Variants in TPH2 observed in about 807,000 individuals in gnomAD.
TPH2 encodes tryptophan hydroxylase 2.
TPH2 carries 27 observed loss-of-function variants against 59.1 expected under a neutral mutation model. The observed-to-expected ratio is 0.46, with a 90% CI of 0.34 to 0.63. The LOEUF (loss-of-function observed/expected upper bound fraction) is 0.63. Ranked by LOEUF, TPH2 falls within the 30% of genes least tolerant of loss-of-function variation. The pLI is 0.01. For missense variants in TPH2, 523 were observed against 588.3 expected, an observed-to-expected ratio of 0.89 and a Z score of 1.15; for synonymous variants, 220 against 210.5, an observed-to-expected ratio of 1.05 and a Z score of -0.39.
At chr12:71,978,409 C>A (rs1872179807) in intron 6 of TPH2, among the ~76,000 whole-genome samples, 1 of 152,112 alleles carries the variant, frequency 6.6e-6, no homozygotes, top group Non-Finnish European at 1.5e-5. Context: ...GCAAGCAGGG[C>A]TTTGGTGTAC....
intron 8 of TPH2, among the ~76,000 whole-genome samples, chr12:72,010,216 C>T (rs1247818613): frequency 6.6e-6 from 1 of 152,124 alleles, no homozygotes; most frequent in Non-Finnish European, 1.5e-5. Context: ...ATGTCTGCCT[C>T]TCAGGGTTGT....
intron 7 of TPH2, among the ~76,000 whole-genome samples, chr12:71,980,182 G>A (rs892993063): frequency 1.3e-5 from 2 of 152,130 alleles, no homozygotes; most frequent in African/African-American, 4.8e-5. Context: ...CAAAAACAAA[G>A]ACCCTGAGGC....
At chr12:71,942,778 T>G (rs1022125828) in intron 2 of TPH2, among the ~76,000 whole-genome samples, 2 of 152,206 alleles carry the variant, frequency 1.3e-5, no homozygotes, top group East Asian at 3.8e-4. Flanking sequence ...TTTCTTTTTC[T>G]CTTTTGACCT....
intron 7 of TPH2, among the ~76,000 whole-genome samples, chr12:71,990,939 G>A (rs987513576): frequency 1.4e-4 from 22 of 152,054 alleles, no homozygotes; most frequent in African/African-American, 4.3e-4. Flanking sequence ...CTCGCTTCAG[G>A]CTTTCATTCT....
intron 5 of TPH2, among the ~76,000 whole-genome samples, chr12:71,966,120 C>A (rs1456654014): frequency 1.4e-4 from 21 of 152,130 alleles, no homozygotes; most frequent in Non-Finnish European, 2.6e-4. Context: ...AAATAGCTCT[C>A]TGGAAATTAT....
Position 71,994,545 on chromosome 12 carries a change from G to A in TPH2, c.1048G>A (p.Asp350Asn). 1.2e-6 allele frequency: 2 copies of A among 1,613,956 alleles called. No individual in the cohort carries two copies. Among genetic ancestry groups the A allele is most frequent in the Non-Finnish European group, 1.7e-6 (2 of 1,179,844 alleles). The change falls in exon 8 of 11, where the codon GAT (aspartate) becomes AAT (asparagine). Residue 350 changes from aspartate (D) to asparagine (N), a missense_variant. By Grantham distance (23) the Asp-to-Asn change is conservative (BLOSUM62 1). Coordinates refer to ENST00000333850, the MANE Select transcript of TPH2 (RefSeq NM_173353.4). ...GGCGTCTCTGGGAGCATCAGATGAA[G>A]ATGTTCAGAAACTAGCCACGGTGAG... is the stretch of plus-strand genomic sequence containing the variant. ...GLASLGASDE[D>N]VQKLATCYFF...
intron 5 of TPH2, chr12:71,964,502 A>G: frequency 1.0e-6 from 1 of 982,866 alleles, no homozygotes; most frequent in African/African-American, 1.7e-5. Flanking sequence ...ATATATATAT[A>G]TATTCTGGCA....
At chr12:71,972,103 G>A (rs988944312) in intron 5 of TPH2, among the ~76,000 whole-genome samples, 1 of 152,122 alleles carries the variant, frequency 6.6e-6, no homozygotes, top group African/African-American at 2.4e-5. Context: ...CTGGGCAAGG[G>A]ACAAAAAGAA....
chr12:71,949,858 G>A (rs762662344), intron 5 of TPH2, among the ~76,000 whole-genome samples: 1 of 152,028 alleles, frequency 6.6e-6, no homozygotes, highest in African/African-American at 2.4e-5. Context: ...AGACCTGTGA[G>A]CCACATGCCA....
chr12:71,983,377 A>T (rs78036130), intron 7 of TPH2, among the ~76,000 whole-genome samples: 9,503 of 152,136 alleles, frequency 0.062, 1,017 homozygotes, highest in African/African-American at 0.22. Context: ...TTTGCAAATG[A>T]TTTCCTTTAA....
chr12:71,971,306 G>A (rs772844005), intron 5 of TPH2, among the ~76,000 whole-genome samples: 21 of 152,180 alleles, frequency 1.4e-4, no homozygotes, highest in African/African-American at 3.4e-4. Context: ...TATGTTGTAC[G>A]TGTATATTTG....
At chr12:71,956,534 TCCCTCCTTC>T (rs1384319271) in intron 5 of TPH2, among the ~76,000 whole-genome samples, 23 of 134,386 alleles carry the variant, frequency 1.7e-4, no homozygotes, top group East Asian at 2.3e-4. Context: ...CCTCCTTCTT[TCCCTCCTTC>T]CCTCCTTCCC....
rs142135541 is a variant in TPH2 at position 71,964,158 on chromosome 12, A to G, written c.609-8361A>G. Among the ~76,000 whole-genome samples, 86 of 51,214 alleles carry G rather than the reference A, an allele frequency of 1.7e-3. 38 individuals carry two copies. Among genetic ancestry groups the G allele is most frequent in the Admixed American group, 5.5e-3 (27 of 4,900 alleles). The allele number at this position is 51,214 out of a possible 152,430, so 33.6% of individuals were successfully genotyped here. A position where few individuals can be genotyped will look rare whatever the true frequency, so the allele number is the denominator to read the frequency against. ...GAATGGGATTTAAAAAAATGTATAT[A>G]TATATGCACATACATACTGATAATA... is the stretch of plus-strand genomic sequence containing the variant. On this transcript the variant is annotated intron_variant, in intron 5 of 10. Transcript: ENST00000333850.
intron 8 of TPH2, among the ~76,000 whole-genome samples, chr12:72,010,878 A>G (rs1873083430): frequency 6.6e-6 from 1 of 152,178 alleles, no homozygotes; most frequent in African/African-American, 2.4e-5. Context: ...CAAAGGATGA[A>G]TGGCTGAGAG....
At position 71,972,661 on chromosome 12, in the gene TPH2, G is replaced by A. The variant is rs1165888070; in HGVS notation, c.751G>A (p.Gly251Ser). 1 of 1,614,102 alleles carries A rather than the reference G, an allele frequency of 6.2e-7. No homozygotes were observed. The highest frequency in any genetic ancestry group is 1.1e-5 in the South Asian group (1 of 91,082). ...CTTCCCTCTGCTGACTAAATACTGT[G>A]GCTACAGAGAGGACAATGTGCCTCA... is the stretch of plus-strand genomic sequence containing the variant. Reference protein sequence around the residue: ...KNFPLLTKYCGYREDNVPQLE... With the variant: ...KNFPLLTKYCSYREDNVPQLE... Residue 251 changes from glycine to serine, a missense_variant, in exon 6 of 11, where the codon GGC (glycine) becomes AGC (serine). Coordinates refer to ENST00000333850, the MANE Select transcript of TPH2 (RefSeq NM_173353.4).
intron 4 of TPH2, among the ~76,000 whole-genome samples, chr12:71,949,081 A>G (rs1195734324): frequency 6.6e-6 from 1 of 152,234 alleles, no homozygotes; most frequent in Non-Finnish European, 1.5e-5. Context: ...TAGTCATAAA[A>G]TACAGCAAAA....
At chr12:71,956,879 G>A (rs2139190978) in intron 5 of TPH2, among the ~76,000 whole-genome samples, 1 of 152,246 alleles carries the variant, frequency 6.6e-6, no homozygotes, top group South Asian at 2.1e-4. Flanking sequence ...CAAAGTGCTA[G>A]GATTACAGGT....
intron 5 of TPH2, among the ~76,000 whole-genome samples, chr12:71,968,540 C>T (rs1271750813): frequency 1.3e-5 from 2 of 152,254 alleles, no homozygotes; most frequent in African/African-American, 4.8e-5. Context: ...TGTCGGTCCC[C>T]TGCTCTGAAG....
intron 8 of TPH2, among the ~76,000 whole-genome samples, chr12:72,000,070 A>G (rs1872783836): frequency 6.6e-6 from 1 of 152,230 alleles, no homozygotes; most frequent in South Asian, 2.1e-4. Context: ...TATGCATTGA[A>G]CATGTGTCAA....
Sources: allele counts gnomAD v4.1 joint callset (sites outside exome capture counted in the v4.1 genomes callset), GRCh38; gene constraint gnomAD v4.1.1; transcripts MANE v1.5; gene names NCBI Gene and HGNC (gene_info 2026-07-23, HGNC 2026-07-21).